TLN2: variants seen among roughly 807,000 people sequenced by gnomAD.
TLN2 encodes the protein talin 2, also known as talin-2.
TLN2 carries 118 observed loss-of-function variants against 294.7 expected under a neutral mutation model. That is an observed-to-expected ratio of 0.40 (90% CI 0.34 to 0.47). The LOEUF is 0.47. Among genes scored for constraint, TLN2 ranks in the 20% least tolerant of loss-of-function variants. The pLI is 0.84. For missense variants in TLN2, 3,083 were observed against 3,282.2 expected (o/e 0.94, Z 1.48); for synonymous variants, 1,431 against 1,304.5 (o/e 1.10, Z -2.09).
At chr15:62,684,881 G>A (rs1239819740) in intron 11 of TLN2, among the ~76,000 whole-genome samples, 1 of 149,220 alleles carries the variant, frequency 6.7e-6, no homozygotes, top group East Asian at 2.0e-4. Context: ...TATCTAGTAT[G>A]TTCCAGCTCT....
chr15:62,406,852 A>G (rs981341581), intron 1 of TLN2, among the ~76,000 whole-genome samples: 1 of 152,164 alleles, frequency 6.6e-6, no homozygotes, highest in African/African-American at 2.4e-5. Flanking sequence ...ATCATATTGA[A>G]TTAGGGACAC....
rs1596115105 is a variant in TLN2 at position 62,556,613 on chromosome 15, T to C, written c.-237-33074T>C. ...CATGTCCAGCTAAACAAATGCCATT[T>C]CCTAAATGGTTCCTGTATCTGACCA... On this transcript the variant is annotated intron_variant, in intron 1 of 58. Transcript: ENST00000636159. Among the ~76,000 whole-genome samples, 3 of 152,192 alleles carry C rather than the reference T, an allele frequency of 2.0e-5. No individual in the cohort carries two copies. The East Asian group carries it at 5.8e-4, about 29-fold the overall frequency.
In TLN2 at chr15:62,704,339, A is replaced by G. The variant is rs115503030; in HGVS notation, c.2004+1475A>G. On this transcript the variant is annotated intron_variant, in intron 19 of 58. Transcript: ENST00000636159. ...GTTTTGACCACCTCTTCATTTGGCA[A>G]TGATTTTATAATATTTTATAGACGG... Among the ~76,000 whole-genome samples, 325 of 152,292 alleles carry G rather than the reference A, an allele frequency of 2.1e-3. 2 individuals are homozygous for G. Among genetic ancestry groups the G allele is most frequent in the African/African-American group, 7.6e-3 (315 of 41,558 alleles).
intron 9 of TLN2, among the ~76,000 whole-genome samples, chr15:62,673,279 G>A (rs2055674280): frequency 1.5e-5 from 1 of 64,958 alleles, no homozygotes; most frequent in Non-Finnish European, 3.7e-5. Flanking sequence ...TTGATAGACG[G>A]TTTTAGTTTG....
intron 1 of TLN2, among the ~76,000 whole-genome samples, chr15:62,476,970 A>C (rs756949119): frequency 3.0e-4 from 46 of 152,166 alleles, no homozygotes; most frequent in Non-Finnish European, 2.4e-4. Flanking sequence ...CTGTCTTTGC[A>C]CTTAAAACAG....
At chr15:62,444,036 G>A (rs1212717212) in intron 1 of TLN2, among the ~76,000 whole-genome samples, 4 of 152,198 alleles carry the variant, frequency 2.6e-5, no homozygotes, top group South Asian at 2.1e-4. Flanking sequence ...ATTGATGTTA[G>A]CAGTTTACCA....
intron 57 of TLN2, among the ~76,000 whole-genome samples, chr15:62,837,422 G>A (rs971917422): frequency 3.3e-5 from 5 of 152,080 alleles, no homozygotes; most frequent in African/African-American, 1.2e-4. Flanking sequence ...ACTTTTCAGG[G>A]GTTTCATCTG....
At chr15:62,647,156 T>C (rs1040756039) in intron 3 of TLN2, 119 bp from the exon 4 acceptor site, 3 of 970,140 alleles carry the variant, frequency 3.1e-6, no homozygotes, top group African/African-American at 3.3e-5. Context: ...CTTTATTTGC[T>C]GTTTTATTCT....
chr15:62,747,641 T>C (rs1408313478), intron 32 of TLN2, among the ~76,000 whole-genome samples: 1 of 152,176 alleles, frequency 6.6e-6, no homozygotes, highest in Non-Finnish European at 1.5e-5. Context: ...ATTAGCTTTC[T>C]TAGGAGAACT....
chr15:62,700,891 T>G (rs2058676422), intron 16 of TLN2, among the ~76,000 whole-genome samples: 1 of 152,178 alleles, frequency 6.6e-6, no homozygotes, highest in Admixed American at 6.5e-5. Flanking sequence ...ATAATTAACA[T>G]AAGACACAAG....
At chr15:62,562,834 T>C (rs1324921756) in intron 1 of TLN2, among the ~76,000 whole-genome samples, 2 of 151,582 alleles carry the variant, frequency 1.3e-5, no homozygotes, top group Non-Finnish European at 2.9e-5. Context: ...TTTAGAATAA[T>C]AGTCTCCAGT....
rs181565550 is a variant in TLN2 at position 62,736,131 on chromosome 15, T to A, written c.3359-747T>A. Reference sequence around the variant, plus strand: ...ATCGAGACCATCCTGGCTAACACAGTGAAACCCCGTCTCTACTAAAAAAAG... The same window carrying A: ...ATCGAGACCATCCTGGCTAACACAGAGAAACCCCGTCTCTACTAAAAAAAG... On this transcript the variant is annotated intron_variant, in intron 28 of 58. Transcript: ENST00000636159. 2.6e-3 allele frequency among the ~76,000 whole-genome samples: 398 copies of A among 151,946 alleles called. 3 individuals are homozygous for A. Among genetic ancestry groups the A allele is most frequent in the African/African-American group, 9.1e-3 (375 of 41,422 alleles).
chr15:62,779,706 A>G (rs2063984458), intron 43 of TLN2, among the ~76,000 whole-genome samples: 1 of 152,244 alleles, frequency 6.6e-6, no homozygotes, highest in Non-Finnish European at 1.5e-5. Flanking sequence ...GTCAGTTTAC[A>G]GCAAGTGAAT....
chr15:62,494,871 G>A (rs994086312), intron 1 of TLN2, among the ~76,000 whole-genome samples: 1 of 152,144 alleles, frequency 6.6e-6, no homozygotes, highest in Non-Finnish European at 1.5e-5. Flanking sequence ...CTTACTGTCA[G>A]TCTGCTTGGC....
intron 54 of TLN2, chr15:62,832,992 A>G (rs905075096): frequency 2.0e-5 from 3 of 152,360 alleles, no homozygotes; most frequent in African/African-American, 7.2e-5. Context: ...TATATCTTTA[A>G]AGATTTTGTT....
intron 14 of TLN2, among the ~76,000 whole-genome samples, chr15:62,694,858 G>A (rs776718246): frequency 1.3e-5 from 2 of 152,196 alleles, no homozygotes; most frequent in Non-Finnish European, 2.9e-5. Context: ...TAGTGCAGGC[G>A]AGTGGTTAAG....
At chr15:62,571,771 A>T (rs929878757) in intron 1 of TLN2, among the ~76,000 whole-genome samples, 1 of 152,182 alleles carries the variant, frequency 6.6e-6, no homozygotes, top group Non-Finnish European at 1.5e-5. Flanking sequence ...ACATCATTTC[A>T]TCTGTACATA....
intron 3 of TLN2, among the ~76,000 whole-genome samples, chr15:62,626,770 G>C (rs1223535156): frequency 6.6e-6 from 1 of 152,158 alleles, no homozygotes; most frequent in Non-Finnish European, 1.5e-5. Flanking sequence ...ATTGCTACTT[G>C]GGAGGCTACA....
intron 1 of TLN2, among the ~76,000 whole-genome samples, chr15:62,423,959 GCTGA>G (rs2034559726): frequency 6.6e-6 from 1 of 152,082 alleles, no homozygotes; most frequent in African/African-American, 2.4e-5. Flanking sequence ...CTTTTCAAAG[GCTGA>G]CTAATGTTAA....
Sources: gnomAD v4.1 joint callset for allele counts (sites outside exome capture counted in the v4.1 genomes callset) on GRCh38, gnomAD v4.1.1 for gene constraint, MANE v1.5 for transcripts, NCBI Gene and HGNC (gene_info 2026-07-23, HGNC 2026-07-21) for gene names.